Variants in NEGR1 observed in about 807,000 individuals in gnomAD.
NEGR1 encodes neuronal growth regulator 1.
In NEGR1, 10 loss-of-function variants were observed where a neutral mutation model predicts 40.9. The ratio of observed to expected loss-of-function variants is 0.24; its 90% CI spans 0.15 to 0.42. The LOEUF (loss-of-function observed/expected upper bound fraction) is 0.42, where lower values mean the gene tolerates loss of function less well. Ranked by LOEUF, NEGR1 falls within the 10% of genes least tolerant of loss-of-function variation. The probability of loss-of-function intolerance (pLI) is 1.00; values close to 1 mark genes in which losing one functional copy is unlikely to be tolerated. For synonymous variants in NEGR1, 185 were observed against 166.8 expected, an observed-to-expected ratio of 1.11 and a Z score of -0.84; for missense variants, 352 against 438.9, an observed-to-expected ratio of 0.80 and a Z score of 1.77.
At chr1:71,902,001 A>G (rs1011009599) in intron 2 of NEGR1, among the ~76,000 whole-genome samples, 3 of 152,162 alleles carry the variant, frequency 2.0e-5, no homozygotes, top group Non-Finnish European at 4.4e-5. Flanking sequence ...GATTTAAACC[A>G]TAACACCACA....
chr1:71,676,558 G>A (rs1389371600), intron 4 of NEGR1, among the ~76,000 whole-genome samples: 1 of 152,156 alleles, frequency 6.6e-6, no homozygotes, highest in Admixed American at 6.5e-5. Context: ...ATTGTTGGGT[G>A]TCAGAAATTT....
chr1:72,034,954 G>T (rs1557493969), intron 1 of NEGR1, among the ~76,000 whole-genome samples: 1 of 152,126 alleles, frequency 6.6e-6, no homozygotes, highest in South Asian at 2.1e-4. Flanking sequence ...CAATATGGCA[G>T]TTCTCACTCT....
At chr1:72,037,552 C>T (rs1239982727) in intron 1 of NEGR1, among the ~76,000 whole-genome samples, 1 of 152,090 alleles carries the variant, frequency 6.6e-6, no homozygotes, top group East Asian at 1.9e-4. Flanking sequence ...AAGCACTCTG[C>T]CTTTCCAAGT....
At chr1:71,697,328 T>A (rs1323573408) in intron 4 of NEGR1, among the ~76,000 whole-genome samples, 2 of 151,696 alleles carry the variant, frequency 1.3e-5, no homozygotes, top group African/African-American at 2.4e-5. Context: ...TTAGGGGAGA[T>A]TTTTGAAAAG....
chr1:72,196,093 G>A (rs1652990960), intron 1 of NEGR1, among the ~76,000 whole-genome samples: 1 of 151,962 alleles, frequency 6.6e-6, no homozygotes, highest in Admixed American at 6.6e-5. Flanking sequence ...GTATTGTGGA[G>A]AAGTAAAAAG....
At chr1:72,009,433 T>A (rs1014372017) in intron 1 of NEGR1, among the ~76,000 whole-genome samples, 1 of 152,056 alleles carries the variant, frequency 6.6e-6, no homozygotes. Flanking sequence ...TAGCACAGTT[T>A]CCCCCAACTT....
intron 1 of NEGR1, among the ~76,000 whole-genome samples, chr1:72,259,825 A>G (rs1655398348): frequency 1.3e-5 from 2 of 152,126 alleles, no homozygotes; most frequent in African/African-American, 4.8e-5. Flanking sequence ...ATATGGTTCT[A>G]TCGCAGGCAA....
chr1:72,045,664 A>C (rs1404902583), intron 1 of NEGR1, among the ~76,000 whole-genome samples: 1 of 151,802 alleles, frequency 6.6e-6, no homozygotes, highest in African/African-American at 2.4e-5. Context: ...AAATTCAATA[A>C]ACTTCTTTCT....
intron 1 of NEGR1, among the ~76,000 whole-genome samples, chr1:72,158,948 G>T (rs1651458657): frequency 1.3e-5 from 2 of 152,112 alleles, no homozygotes; most frequent in Admixed American, 1.3e-4. Context: ...AATTCAACAT[G>T]TTAAACTGAA....
intron 6 of NEGR1, among the ~76,000 whole-genome samples, chr1:71,435,069 C>T (rs986795409): frequency 1.3e-5 from 2 of 150,688 alleles, no homozygotes; most frequent in Non-Finnish European, 2.9e-5. Flanking sequence ...CCAGCCTGGG[C>T]GACAGAGCCA....
rs1257546604 is a variant in NEGR1, at chr1:71,829,689, C to T, written c.410-53392G>A. 5.3e-5 allele frequency among the ~76,000 whole-genome samples: 8 copies of T among 151,936 alleles called. No individual in the cohort carries two copies. In the East Asian group the frequency reaches 9.7e-4, roughly 18 times the overall value. On this transcript the variant is annotated intron_variant, in intron 2 of 6. Transcript: ENST00000357731. Reference sequence around the variant, plus strand: ...AAAAAACAAAAAAACGTAAACAAAACGAAACAGAAACAAAATATAATACAA... The same window carrying T: ...AAAAAACAAAAAAACGTAAACAAAATGAAACAGAAACAAAATATAATACAA...
intron 6 of NEGR1, among the ~76,000 whole-genome samples, chr1:71,447,126 T>G (rs1333144631): frequency 1.3e-5 from 2 of 152,232 alleles, no homozygotes; most frequent in Non-Finnish European, 2.9e-5. Context: ...CTGTCTGAAC[T>G]CTGCCTCCTG....
rs186493977 is a variant in NEGR1 at position 72,008,856 on chromosome 1, T to A, written c.177-73545A>T. Among the ~76,000 whole-genome samples the A allele has an allele frequency of 1.1e-4, 16 of 152,178 alleles. No homozygotes were observed. In the East Asian group the frequency reaches 1.9e-3, roughly 18 times the overall value. ...GCATGTTAATTGCATACTCCTAGAT[T>A]ACACCACTGATATTTTTGAAAACTC... On this transcript the variant is annotated intron_variant, in intron 1 of 6. Transcript: ENST00000357731.
At chr1:72,211,646 T>A (rs1213912915) in intron 1 of NEGR1, among the ~76,000 whole-genome samples, 1 of 150,976 alleles carries the variant, frequency 6.6e-6, no homozygotes, top group Non-Finnish European at 1.5e-5. Context: ...TAATATGTAA[T>A]GGGTTTGTCA....
intron 1 of NEGR1, among the ~76,000 whole-genome samples, chr1:72,084,715 C>A (rs116710253): frequency 0.012 from 1,837 of 151,992 alleles, 25 homozygotes; most frequent in Non-Finnish European, 0.018. Context: ...TTTGCAAGGA[C>A]TAATAGAATT....
chr1:72,045,354 C>A (rs546163905), intron 1 of NEGR1, among the ~76,000 whole-genome samples: 2 of 151,860 alleles, frequency 1.3e-5, no homozygotes, highest in Admixed American at 1.3e-4. Context: ...CTTTTTAGGG[C>A]ATCCAAATAT....
chr1:71,567,972 A>G (rs995084446), intron 6 of NEGR1, among the ~76,000 whole-genome samples: 3 of 152,304 alleles, frequency 2.0e-5, no homozygotes, highest in African/African-American at 7.2e-5. Context: ...TTCAGTCTCC[A>G]AAACTATAAG....
chr1:71,758,329 T>G (rs569582314), intron 3 of NEGR1, among the ~76,000 whole-genome samples: 4 of 152,140 alleles, frequency 2.6e-5, no homozygotes, highest in Non-Finnish European at 4.4e-5. Flanking sequence ...ATACATTTAT[T>G]AGTCACATTA....
intron 2 of NEGR1, among the ~76,000 whole-genome samples, chr1:71,864,754 A>C (rs966626752): frequency 6.6e-6 from 1 of 152,194 alleles, no homozygotes. Flanking sequence ...TAAATAAAAC[A>C]TCAAAAACAC....
Sources: gnomAD v4.1 joint callset for allele counts (sites outside exome capture counted in the v4.1 genomes callset) on GRCh38, gnomAD v4.1.1 for gene constraint, MANE v1.5 for transcripts, NCBI Gene and HGNC (gene_info 2026-07-23, HGNC 2026-07-21) for gene names.